The following GLIS1 variants were observed in gnomAD, a reference collection of about 807,000 sequenced individuals.
GLIS1 encodes the protein zinc finger protein GLIS1.
GLIS1 carries 24 observed loss-of-function variants against 63.8 expected under a neutral mutation model. The ratio of observed to expected loss-of-function variants is 0.38; its 90% CI spans 0.27 to 0.53. The LOEUF (loss-of-function observed/expected upper bound fraction) is 0.53. Among genes scored for constraint, GLIS1 ranks in the 20% least tolerant of loss-of-function variants. The probability of loss-of-function intolerance (pLI) is 0.85; values close to 1 mark genes in which losing one functional copy is unlikely to be tolerated. For synonymous variants in GLIS1, 450 were observed against 482.5 expected, an observed-to-expected ratio of 0.93 and a Z score of 0.88; for missense variants, 1,036 against 1,074.1, an observed-to-expected ratio of 0.96 and a Z score of 0.50.
rs1645848042 is a variant in GLIS1 at position 53,646,709 on chromosome 1, C to T, written c.260-46431G>A. 1.3e-5 allele frequency among the ~76,000 whole-genome samples: 2 copies of T among 151,890 alleles called. No individual in the cohort carries two copies. The highest frequency in any genetic ancestry group is 2.9e-5 in the Non-Finnish European group (2 of 67,992). On this transcript the variant is annotated intron_variant, in intron 2 of 10. Transcript: ENST00000628545. The surrounding 1 kb of genome is among the most constrained non-coding windows in gnomAD (Gnocchi z 4.2). ...TCTGTGGTCCCAGCTACTTGGGAGG[C>T]TAAGGGAGGAGGACTGTTTGAACCT...
intron 4 of GLIS1, among the ~76,000 whole-genome samples, chr1:53,578,067 G>T (rs939787444): frequency 5.3e-5 from 8 of 152,100 alleles, no homozygotes; most frequent in African/African-American, 1.9e-4. Context: ...AAAAGAAGAG[G>T]GCAAACAGTG....
intron 2 of GLIS1, among the ~76,000 whole-genome samples, chr1:53,624,081 A>G (rs1466185150): frequency 6.6e-6 from 1 of 152,256 alleles, no homozygotes; most frequent in East Asian, 1.9e-4. Flanking sequence ...GAGATCTAGA[A>G]TAGCCAAAAC....
At position 53,620,494 on chromosome 1, in the gene GLIS1, C is replaced by T. The variant is rs774160199; in HGVS notation, c.260-20216G>A. Among the ~76,000 whole-genome samples, 145 of 152,346 alleles carry T rather than the reference C, an allele frequency of 9.5e-4. 3 individuals are homozygous for T. The highest frequency in any genetic ancestry group is 4.1e-4 in the South Asian group (2 of 4,826). On this transcript the variant is annotated intron_variant, in intron 2 of 10. Transcript: ENST00000628545. ...TCACTGCCAAGCACAGGGACCCCGT[C>T]GGCGGCTTGGCCATGAATGAGTACA...
At chr1:53,544,047 C>G (rs1191027109) in intron 4 of GLIS1, among the ~76,000 whole-genome samples, 2 of 152,164 alleles carry the variant, frequency 1.3e-5, no homozygotes, top group African/African-American at 2.4e-5. Context: ...AGCCCAGATG[C>G]CTGGCTCAGC....
At chr1:53,649,678 G>A (rs774639280) in intron 2 of GLIS1, among the ~76,000 whole-genome samples, 1 of 152,084 alleles carries the variant, frequency 6.6e-6, no homozygotes, top group Admixed American at 6.5e-5. Context: ...CATTTCAGAC[G>A]GTTCATCTTG....
At chr1:53,685,785 G>A (rs987212772) in intron 2 of GLIS1, among the ~76,000 whole-genome samples, 1 of 152,092 alleles carries the variant, frequency 6.6e-6, no homozygotes, top group Non-Finnish European at 1.5e-5. Flanking sequence ...CCGCTACCAC[G>A]GTCTGAGGCT....
intron 2 of GLIS1, among the ~76,000 whole-genome samples, chr1:53,704,006 T>C (rs1197801280): frequency 3.3e-5 from 5 of 152,246 alleles, no homozygotes. Flanking sequence ...TTTCCTATTT[T>C]AATCAAGCCT....
At chr1:53,546,481 C>T (rs1644700206) in intron 4 of GLIS1, among the ~76,000 whole-genome samples, 1 of 152,248 alleles carries the variant, frequency 6.6e-6, no homozygotes, top group South Asian at 2.1e-4. Flanking sequence ...GCTTACTCGC[C>T]TGTGTCCTCA....
In GLIS1 at chr1:53,662,195, C is replaced by T. The variant is rs192026267; in HGVS notation, c.260-61917G>A. 4.4e-3 allele frequency among the ~76,000 whole-genome samples: 670 copies of T among 152,316 alleles called. 6 individuals are homozygous for T. Among genetic ancestry groups the T allele is most frequent in the African/African-American group, 0.013 (550 of 41,574 alleles). On this transcript the variant is annotated intron_variant, in intron 2 of 10. Transcript: ENST00000628545. ...CTTGGGGCCTCAGACGTTCATCTGT[C>T]GCAGGGGATGTTCTTCCCTGGTTGA...
Position 53,526,602 on chromosome 1 carries a change from G to A in GLIS1, c.1483-1715C>T, listed in dbSNP as rs544999361. Among the ~76,000 whole-genome samples, 6 of 151,708 alleles carry A rather than the reference G, an allele frequency of 4.0e-5. No homozygotes were observed. The East Asian group carries it at 5.9e-4, about 15-fold the overall frequency. On this transcript the variant is annotated intron_variant, in intron 5 of 10. Coordinates refer to ENST00000628545, the MANE Select transcript of GLIS1 (RefSeq NM_001367484.1). The surrounding 1 kb of genome is among the most constrained non-coding windows in gnomAD (Gnocchi z 4.4). ...CACCACACCATACACACCCACGCAC[G>A]GCACACACACGTGCGTTCACATGTG...
chr1:53,654,282 T>C (rs1178259752), intron 2 of GLIS1, among the ~76,000 whole-genome samples: 1 of 152,206 alleles, frequency 6.6e-6, no homozygotes, highest in Non-Finnish European at 1.5e-5. Flanking sequence ...TATTCCACAC[T>C]ATCTCTACTA....
At chr1:53,633,913 C>T (rs968140063) in intron 2 of GLIS1, among the ~76,000 whole-genome samples, 4 of 152,160 alleles carry the variant, frequency 2.6e-5, no homozygotes, top group African/African-American at 4.8e-5. Context: ...TATGAGATCA[C>T]GAATCCACCA....
chr1:53,507,004 C>G (rs1336631002), intron 10 of GLIS1, among the ~76,000 whole-genome samples: 1 of 152,100 alleles, frequency 6.6e-6, no homozygotes, highest in East Asian at 1.9e-4. Context: ...GGGCCCAGGG[C>G]AGCTGGGGAG....
At chr1:53,728,339 A>G (rs1362681706) in intron 2 of GLIS1, among the ~76,000 whole-genome samples, 1 of 152,214 alleles carries the variant, frequency 6.6e-6, no homozygotes, top group Non-Finnish European at 1.5e-5. Context: ...AATAATTATT[A>G]TAATCCCAAG....
intron 2 of GLIS1, among the ~76,000 whole-genome samples, chr1:53,735,238 C>T (rs1646901638): frequency 6.6e-6 from 1 of 152,224 alleles, no homozygotes; most frequent in African/African-American, 2.4e-5. Flanking sequence ...GCACCCTTCA[C>T]ATTCAGCATT....
In GLIS1 at chr1:53,506,385, G is replaced by A; in HGVS notation, c.*234C>T. Reference sequence around the variant, plus strand: ...GAGGAACGGGAAGACAAGATCGAGGGAATGTTACAGGGCCACAGATCCTGG... The same window carrying A: ...GAGGAACGGGAAGACAAGATCGAGGAAATGTTACAGGGCCACAGATCCTGG... On this transcript the variant is annotated 3_prime_UTR_variant, in exon 11 of 11. Coordinates refer to ENST00000628545, the MANE Select transcript of GLIS1 (RefSeq NM_001367484.1). 1 of 516,008 alleles carries A rather than the reference G, an allele frequency of 1.9e-6. No homozygotes were observed. Among genetic ancestry groups the A allele is most frequent in the Non-Finnish European group, 3.4e-6 (1 of 290,618 alleles). The allele number at this position is 516,008 out of a possible 1,614,324, so 32.0% of individuals were successfully genotyped here.
chr1:53,599,911 C>T (rs1248271551), intron 3 of GLIS1, among the ~76,000 whole-genome samples, 190 bp downstream of exon 3: 1 of 152,242 alleles, frequency 6.6e-6, no homozygotes, highest in East Asian at 1.9e-4. Flanking sequence ...TCAACAGAAC[C>T]ATCTTGTGTC....
intron 4 of GLIS1, among the ~76,000 whole-genome samples, chr1:53,565,029 C>A (rs7522812): frequency 0.12 from 18,912 of 151,814 alleles, 3,476 homozygotes; most frequent in African/African-American, 0.4. Context: ...TATACAAGAC[C>A]AATATCATAT....
intron 2 of GLIS1, among the ~76,000 whole-genome samples, chr1:53,605,042 C>A (rs1424518844): frequency 6.6e-6 from 1 of 151,408 alleles, no homozygotes; most frequent in African/African-American, 2.4e-5. Context: ...GGCTGTTAAT[C>A]GCCAACCCCC....
Sources: gnomAD v4.1 joint callset for allele counts (sites outside exome capture counted in the v4.1 genomes callset) on GRCh38, gnomAD v4.1.1 for gene constraint, Gnocchi (gnomAD v3.1) non-coding constraint, MANE v1.5 for transcripts, NCBI Gene and HGNC (gene_info 2026-07-23, HGNC 2026-07-21) for gene names.